PCDHGA7: variants seen among roughly 807,000 people sequenced by gnomAD.
PCDHGA7 encodes protocadherin gamma subfamily A, 7.
Under a neutral mutation model 58.3 loss-of-function variants are expected in PCDHGA7, and 44 were observed. That is an observed-to-expected ratio of 0.75 (90% CI 0.59 to 0.97). PCDHGA7 has a LOEUF of 0.97. PCDHGA7 is among the 50% of genes least tolerant of loss of function. The pLI is 0.00. For synonymous variants in PCDHGA7, 516 were observed against 504.2 expected (o/e 1.02, Z -0.31); for missense variants, 1,266 against 1,188.7 (o/e 1.06, Z -0.96).
chr5:141,478,839 T>G, intron 1 of PCDHGA7: 6 of 1,423,322 alleles, frequency 4.2e-6, no homozygotes, highest in Non-Finnish European at 5.5e-6. Flanking sequence ...AAGGGATGGT[T>G]AAGCTAAAAC....
chr5:141,408,839 A>T (rs1296339131), intron 1 of PCDHGA7: 24 of 1,613,642 alleles, frequency 1.5e-5, no homozygotes, highest in Non-Finnish European at 2.0e-5. Context: ...CTTGATATTG[A>T]CTGCCTTGGA....
intron 3 of PCDHGA7, among the ~76,000 whole-genome samples, chr5:141,507,790 A>C (rs922507228): frequency 5.9e-5 from 9 of 152,188 alleles, no homozygotes; most frequent in Admixed American, 2.6e-4. Context: ...ACCCTCGTCT[A>C]AGCCTGCGCC....
At chr5:141,396,682 C>T (rs1387269894) in intron 1 of PCDHGA7, 1 of 151,688 alleles carries the variant, frequency 6.6e-6, no homozygotes, top group Non-Finnish European at 1.5e-5. Context: ...TATTGTATTC[C>T]TGCATACCTT....
At chr5:141,509,670 T>G (rs2099877782) in intron 3 of PCDHGA7, among the ~76,000 whole-genome samples, 1 of 152,136 alleles carries the variant, frequency 6.6e-6, no homozygotes, top group African/African-American at 2.4e-5. Flanking sequence ...TGGGCCCCAG[T>G]TTCTTCTTCT....
Position 141,384,353 on chromosome 5 carries a change from C to T in PCDHGA7, c.1454C>T (p.Ala485Val). ...TAQDHDSEDN[A>V]QITYSLAEDT... is the part of the protein sequence containing the mutation. ...CAGGACCACGACAGTGAGGATAATG[C>T]CCAGATCACTTATTCCTTGGCCGAA... Residue 485 changes from alanine to valine, a missense_variant, in exon 1 of 4, where the codon GCC (alanine) becomes GTC (valine). By Grantham distance (64) the Ala-to-Val change is moderately conservative. Transcript: ENST00000518325. The T allele has an allele frequency of 6.2e-7, 1 of 1,613,848 alleles. No homozygotes were observed. Among genetic ancestry groups the T allele is most frequent in the South Asian group, 1.1e-5 (1 of 91,088 alleles).
At chr5:141,393,504 A>G (rs369406530) in intron 1 of PCDHGA7, 1 of 1,614,036 alleles carries the variant, frequency 6.2e-7, no homozygotes, top group African/African-American at 1.3e-5. Flanking sequence ...CATCCACGTG[A>G]CAGTGTTGGA....
intron 2 of PCDHGA7, among the ~76,000 whole-genome samples, chr5:141,505,026 G>A (rs190826538): frequency 4.6e-5 from 7 of 152,316 alleles, no homozygotes; most frequent in African/African-American, 1.7e-4. Context: ...GCCTGGCACA[G>A]TGGCAGGTGC....
intron 2 of PCDHGA7, among the ~76,000 whole-genome samples, chr5:141,503,598 C>CA (rs765754054): frequency 0.15 from 9,705 of 65,252 alleles, 922 homozygotes; most frequent in African/African-American, 0.34. Context: ...GACTCCAGCT[C>CA]AAAAAAAAAA....
chr5:141,408,263 C>G, intron 1 of PCDHGA7: 1 of 1,606,854 alleles, frequency 6.2e-7, no homozygotes. Flanking sequence ...ATTTCCTTTG[C>G]TGCTGCCTTT....
At position 141,490,807 on chromosome 5, in the gene PCDHGA7, G is replaced by T. The variant is rs1315856354; in HGVS notation, c.2425-4000G>T. Reference sequence around the variant, plus strand: ...ACGGATCTTTGCCCAGCGTACCTTTGACTATGAATTGCTGCAGATGCTGCA... The same window carrying T: ...ACGGATCTTTGCCCAGCGTACCTTTTACTATGAATTGCTGCAGATGCTGCA... On this transcript the variant is annotated intron_variant, in intron 1 of 3. Transcript: ENST00000518325. This position sits in a 1 kb window ranked among gnomAD's most constrained non-coding sequence, Gnocchi z 5.4. 6.2e-7 allele frequency: 1 copy of T among 1,613,924 alleles called. No individual in the cohort carries two copies. The highest frequency in any genetic ancestry group is 8.5e-7 in the Non-Finnish European group (1 of 1,179,870).
intron 1 of PCDHGA7, chr5:141,422,940 C>T (rs769630623): frequency 2.0e-5 from 32 of 1,614,124 alleles, no homozygotes; most frequent in Admixed American, 5.0e-5. Flanking sequence ...TCCCCACAGA[C>T]GGCTCCACTG....
rs1562129544 is a variant in PCDHGA7 at position 141,489,362 on chromosome 5, C to G, written c.2425-5445C>G. ...TACTCAGTGGTGGAGGAGTCTGAGC[C>G]GGGGACGCTGGTGGGGAATGTTGCT... On this transcript the variant is annotated intron_variant, in intron 1 of 3. Transcript: ENST00000518325. This position sits in a 1 kb window ranked among gnomAD's most constrained non-coding sequence, Gnocchi z 4.5. 6.2e-7 allele frequency: 1 copy of G among 1,613,052 alleles called. No individual in the cohort carries two copies. Among genetic ancestry groups the G allele is most frequent in the Non-Finnish European group, 8.5e-7 (1 of 1,179,268 alleles).
Position 141,419,271 on chromosome 5 carries a change from T to C in PCDHGA7, c.2424+33948T>C, listed in dbSNP as rs2096352878. 4 of 1,613,902 alleles carry C rather than the reference T, an allele frequency of 2.5e-6. No homozygotes were observed. In the South Asian group the frequency reaches 3.3e-5, roughly 13 times the overall value. ...GAAAACAACCAGCCGGGTGCCTCCA[T>C]AGCGCAAGTCAGTGCCTCTGACCCA... On this transcript the variant is annotated intron_variant, in intron 1 of 3. Transcript: ENST00000518325.
Position 141,487,686 on chromosome 5 carries a change from T to G in PCDHGA7, c.2425-7121T>G, listed in dbSNP as rs778973495. The G allele has an allele frequency of 4.4e-6, 7 of 1,605,914 alleles. 1 individual carries two copies. The African/African-American group carries it at 9.4e-5, about 21-fold the overall frequency. On this transcript the variant is annotated intron_variant, in intron 1 of 3. Coordinates refer to ENST00000518325, the MANE Select transcript of PCDHGA7 (RefSeq NM_018920.4). The surrounding 1 kb of genome is among the most constrained non-coding windows in gnomAD (Gnocchi z 5.0). Reference sequence around the variant, plus strand: ...CCAGGCATATGGCTAGGCCATGTCCTAGAGAGTACTGGCCTCTCAGTAAGT... The same window carrying G: ...CCAGGCATATGGCTAGGCCATGTCCGAGAGAGTACTGGCCTCTCAGTAAGT...
intron 1 of PCDHGA7, chr5:141,404,120 C>T (rs1224189151): frequency 1.2e-6 from 2 of 1,613,312 alleles, no homozygotes; most frequent in East Asian, 4.5e-5. Flanking sequence ...CCAGGAGAAT[C>T]TATCTTTTAC....
chr5:141,475,550 TA>T (rs2099365126), intron 1 of PCDHGA7, among the ~76,000 whole-genome samples: 2 of 152,246 alleles, frequency 1.3e-5, no homozygotes, highest in Non-Finnish European at 2.9e-5. Context: ...AGGGTCCGGC[TA>T]ATTGTCTGTC....
rs199519740 is a variant in PCDHGA7 at position 141,394,287 on chromosome 5, A to C, written c.2424+8964A>C. On this transcript the variant is annotated intron_variant, in intron 1 of 3. Transcript: ENST00000518325. ...GAATGCCCAGGTCACTTACTCTGTG[A>C]CCGAGGACACGCTGCAGGGGGCGCC... 122 of 1,613,772 alleles carry C rather than the reference A, an allele frequency of 7.6e-5. No individual in the cohort carries two copies. Among genetic ancestry groups the C allele is most frequent in the Non-Finnish European group, 9.6e-5 (113 of 1,179,878 alleles).
chr5:141,504,496 G>C (rs2099838771), intron 2 of PCDHGA7, among the ~76,000 whole-genome samples: 1 of 152,100 alleles, frequency 6.6e-6, no homozygotes, highest in Non-Finnish European at 1.5e-5. Flanking sequence ...CACCTGCCCA[G>C]TCTGAGTGGA....
rs779287151 is a variant in PCDHGA7, at chr5:141,384,468, G to A, written c.1569G>A (p.Glu523=). 8.7e-6 allele frequency: 14 copies of A among 1,613,988 alleles called. No homozygotes were observed. The Admixed American group carries it at 2.0e-4, about 23-fold the overall frequency. The change falls in exon 1 of 4, where the codon GAG becomes GAA. Residue 523 remains glutamate, a synonymous_variant. Coordinates refer to ENST00000518325, the MANE Select transcript of PCDHGA7 (RefSeq NM_018920.4). ...ACGCGCTGCAATCCTTTGATTATGA[G>A]CAGTTGAGAGAACTACAACTAAGAG... ...VLYALQSFDY[E]QLRELQLRVT...
Sources: gnomAD v4.1 joint callset for allele counts (sites outside exome capture counted in the v4.1 genomes callset) on GRCh38, gnomAD v4.1.1 for gene constraint, Gnocchi (gnomAD v3.1) non-coding constraint, MANE v1.5 for transcripts, NCBI Gene and HGNC (gene_info 2026-07-23, HGNC 2026-07-21) for gene names.